Variants in BICRA observed in about 807,000 individuals in gnomAD.
The protein encoded by BICRA is BRD4-interacting chromatin-remodeling complex-associated protein.
A neutral mutation model predicts 96.9 loss-of-function variants in BICRA; 31 were observed. That is an observed-to-expected ratio of 0.32 (90% CI 0.24 to 0.43). BICRA has a LOEUF of 0.43. Ranked by LOEUF, BICRA falls within the 20% of genes least tolerant of loss-of-function variation. The probability of loss-of-function intolerance (pLI) is 1.00; values close to 1 mark genes in which losing one functional copy is unlikely to be tolerated. For synonymous variants in BICRA, 1,350 were observed against 1,071.8 expected (o/e 1.26, Z -5.07); for missense variants, 2,283 against 2,190.3 (o/e 1.04, Z -0.84).
chr19:47,651,091 C>T (rs982974446), intron 1 of BICRA, among the ~76,000 whole-genome samples: 4 of 152,096 alleles, frequency 2.6e-5, no homozygotes, highest in South Asian at 2.1e-4. Flanking sequence ...CTGCCTGGAC[C>T]ATTACCGTCG....
chr19:47,643,166 C>T (rs1020819598), intron 1 of BICRA, among the ~76,000 whole-genome samples: 3 of 152,212 alleles, frequency 2.0e-5, no homozygotes, highest in Admixed American at 6.5e-5. Flanking sequence ...GACAAGGTTT[C>T]GCCATGTTGG....
chr19:47,699,112 G>T lies in BICRA; in HGVS notation c.3492+53G>T. On this transcript the variant is annotated intron_variant, in intron 13 of 14. Transcript: ENST00000594866. This position sits in a 1 kb window ranked among gnomAD's most constrained non-coding sequence, Gnocchi z 5.0. ...CTGGGCTCCTCCTCGCTGGGACACT[G>T]CCCCTTTCCCTCACCCGCTCTGGGC... is the stretch of plus-strand genomic sequence containing the variant. 7.9e-7 allele frequency: 1 copy of T among 1,258,786 alleles called. No individual in the cohort carries two copies. 78.0% of individuals were successfully genotyped at this position (1,258,786 alleles called of 1,614,324 possible).
In BICRA at chr19:47,701,823, A is replaced by T. The variant is rs1487669712; in HGVS notation, c.4091A>T (p.Asp1364Val). 3 of 1,529,184 alleles carry T rather than the reference A, an allele frequency of 2.0e-6. No individual in the cohort carries two copies. The highest frequency in any genetic ancestry group is 2.6e-6 in the Non-Finnish European group (3 of 1,141,928). The allele number at this position is 1,529,184 out of a possible 1,614,324, so 94.7% of individuals were successfully genotyped here. The change falls in exon 15 of 15, where the codon GAC (aspartate) becomes GTC (valine). Residue 1364 changes from aspartate to valine, a missense_variant. By Grantham distance (152) the Asp-to-Val change is radical (BLOSUM62 -3). Transcript: ENST00000594866. The surrounding 1 kb of genome is among the most constrained non-coding windows in gnomAD (Gnocchi z 5.4). The stretch of plus-strand genomic sequence containing the variant: ...ACGGGCCAGATGAACGGCACGGTGG[A>T]CCACCCGCCGCCTGCCGCCCCCGAG... ...PPTGQMNGTV[D>V]HPPPAAPERK... is the part of the protein sequence containing the mutation.
chr19:47,625,579 C>T (rs1972128563), intron 1 of BICRA, among the ~76,000 whole-genome samples: 1 of 152,072 alleles, frequency 6.6e-6, no homozygotes, highest in African/African-American at 2.4e-5. Flanking sequence ...GACCTTTATA[C>T]AGATCGTGAG....
At position 47,699,436 on chromosome 19, in the gene BICRA, G is replaced by A; in HGVS notation, c.3595+31G>A. The stretch of plus-strand genomic sequence containing the variant: ...AGGGGGGAGTGAGAGGGGAGGGGAG[G>A]GAGAGGTGCCCCCACCCCACCTGGG... On this transcript the variant is annotated intron_variant, in intron 14 of 14. Coordinates refer to ENST00000594866, the MANE Select transcript of BICRA (RefSeq NM_001394372.1). This position sits in a 1 kb window ranked among gnomAD's most constrained non-coding sequence, Gnocchi z 5.0. 8.0e-7 allele frequency: 1 copy of A among 1,254,664 alleles called. No individual in the cohort carries two copies. The highest frequency in any genetic ancestry group is 1.1e-6 in the Non-Finnish European group (1 of 876,150). The allele number at this position is 1,254,664 out of a possible 1,614,324, so 77.7% of individuals were successfully genotyped here. A position where few individuals can be genotyped will look rare whatever the true frequency, so the allele number is the denominator to read the frequency against.
At position 47,694,594 on chromosome 19, in the gene BICRA, T is replaced by G; in HGVS notation, c.2763T>G (p.Thr921=). 2.2e-6 allele frequency: 3 copies of G among 1,378,290 alleles called. No homozygotes were observed. The highest frequency in any genetic ancestry group is 1.9e-5 in the African/African-American group (1 of 52,610). 85.4% of individuals were successfully genotyped at this position (1,378,290 alleles called of 1,614,324 possible). ...GCCAGGGGCCCCACAAGTCCCCCACTCCCCCTCCAACCCTCCACCTGGTCC... is the reference window on the plus strand; with the variant it reads ...GCCAGGGGCCCCACAAGTCCCCCACGCCCCCTCCAACCCTCCACCTGGTCC... ...PPSQGPHKSP[T]PPPTLHLVPE... The change falls in exon 8 of 15, where the codon ACT becomes ACG. Residue 921 remains threonine, a synonymous_variant. Coordinates refer to ENST00000594866, the MANE Select transcript of BICRA (RefSeq NM_001394372.1).
Position 47,698,586 on chromosome 19 carries a change from T to TGTGGGGGGGCCCCCTTTCCCC in BICRA, c.3249-48_3249-47insGTGGGGGGGCCCCCTTTCCCC. 1 of 716,714 alleles carries TGTGGGGGGGCCCCCTTTCCCC rather than the reference T, an allele frequency of 1.4e-6. No homozygotes were observed. The allele number at this position is 716,714 out of a possible 1,614,324, so 44.4% of individuals were successfully genotyped here. ...AGGGACTTCCCCTGGCCCTCACCCG[T>TGTGGGGGGGCCCCCTTTCCCC]CCCCCCCACCCTCCGCCGTGTGTGG... On this transcript the variant is annotated intron_variant, in intron 11 of 14. Transcript: ENST00000594866. The surrounding 1 kb of genome is among the most constrained non-coding windows in gnomAD (Gnocchi z 4.8).
rs1398744534 is a variant in BICRA, at chr19:47,689,025, C to T, written c.2284-5090C>T. Among the ~76,000 whole-genome samples the T allele has an allele frequency of 3.9e-5, 6 of 152,044 alleles. No homozygotes were observed. The South Asian group carries it at 1.0e-3, about 26-fold the overall frequency. The stretch of plus-strand genomic sequence containing the variant: ...GTATTTTTAGAGAGACGAGGTTTCA[C>T]CATGTTGGCCAGGCTGGTCTTGGAC... On this transcript the variant is annotated intron_variant, in intron 7 of 14. Coordinates refer to ENST00000594866, the MANE Select transcript of BICRA (RefSeq NM_001394372.1).
At chr19:47,608,710 T>G (rs1489641544), upstream of BICRA, among the ~76,000 whole-genome samples, 2 of 151,036 alleles carry the variant, frequency 1.3e-5, no homozygotes, top group African/African-American at 4.9e-5. Flanking sequence ...GAGGGCCCAG[T>G]CCCCGGACGT....
At chr19:47,652,365 T>G (rs891571187) in intron 1 of BICRA, among the ~76,000 whole-genome samples, 1 of 152,084 alleles carries the variant, frequency 6.6e-6, no homozygotes, top group Non-Finnish European at 1.5e-5. Context: ...TTTTAAAAAA[T>G]TTTTTAGAGA....
At chr19:47,617,895 G>A (rs1208469463) in intron 1 of BICRA, among the ~76,000 whole-genome samples, 4 of 151,970 alleles carry the variant, frequency 2.6e-5, no homozygotes, top group Non-Finnish European at 5.9e-5. Flanking sequence ...TATTAATGGT[G>A]GTGTTATTTC....
intron 7 of BICRA, among the ~76,000 whole-genome samples, chr19:47,691,597 T>C (rs936723888): frequency 1.3e-5 from 2 of 152,218 alleles, no homozygotes; most frequent in South Asian, 2.1e-4. Context: ...TGAGTCTCAC[T>C]CTGTCGCCTA....
At chr19:47,617,245 G>T (rs1395954305) in intron 1 of BICRA, among the ~76,000 whole-genome samples, 1 of 152,032 alleles carries the variant, frequency 6.6e-6, no homozygotes, top group African/African-American at 2.4e-5. Flanking sequence ...AAAGTCCTGG[G>T]ATTATAGGCA....
chr19:47,658,236 G>C (rs1298979792), intron 1 of BICRA, among the ~76,000 whole-genome samples: 1 of 152,148 alleles, frequency 6.6e-6, no homozygotes, highest in Non-Finnish European at 1.5e-5. Context: ...GTTGGGGCTG[G>C]AAGTGTTTGT....
intron 1 of BICRA, among the ~76,000 whole-genome samples, chr19:47,647,046 C>T (rs577022003): frequency 2.6e-5 from 4 of 152,316 alleles, no homozygotes; most frequent in South Asian, 2.1e-4. Context: ...GACTCTTACA[C>T]GACGTGGCCT....
chr19:47,639,184 T>C (rs1318879705), intron 1 of BICRA, among the ~76,000 whole-genome samples: 2 of 151,602 alleles, frequency 1.3e-5, no homozygotes. Flanking sequence ...TTTTTCATAT[T>C]TTTTGTAGAG....
chr19:47,610,608 A>ACCC (rs35080234), intron 1 of BICRA, among the ~76,000 whole-genome samples: 142 of 135,004 alleles, frequency 1.1e-3, no homozygotes, highest in Middle Eastern at 3.6e-3. Context: ...CCCTTTTGTC[A>ACCC]CCCCCCCCCC....
chr19:47,631,160 A>G (rs1412313778), intron 1 of BICRA, among the ~76,000 whole-genome samples: 1 of 152,118 alleles, frequency 6.6e-6, no homozygotes, highest in African/African-American at 2.4e-5. Flanking sequence ...GGTTCAAGCG[A>G]TTCTTTCACC....
rs2123605678 is a variant in BICRA, at chr19:47,694,142, C to T, written c.2311C>T (p.Pro771Ser). 1 of 1,519,666 alleles carries T rather than the reference C, an allele frequency of 6.6e-7. No homozygotes were observed. The highest frequency in any genetic ancestry group is 1.2e-5 in the South Asian group (1 of 82,102). 94.1% of individuals were successfully genotyped at this position (1,519,666 alleles called of 1,614,324 possible). A position where few individuals can be genotyped will look rare whatever the true frequency, so the allele number is the denominator to read the frequency against. ...QIPAAAPLKG[P>S]GPSSSPSLPH... is the part of the protein sequence containing the mutation. Reference sequence around the variant, plus strand: ...CCCGGCAGCGGCTCCGCTGAAGGGCCCAGGCCCCTCTTCGTCCCCGTCACT... The same window carrying T: ...CCCGGCAGCGGCTCCGCTGAAGGGCTCAGGCCCCTCTTCGTCCCCGTCACT... Residue 771 changes from proline (P) to serine (S), a missense_variant, in exon 8 of 15, where the codon CCA (proline) becomes TCA (serine). By Grantham distance (74) the Pro-to-Ser change is moderately conservative. Transcript: ENST00000594866.
Sources: allele counts gnomAD v4.1 joint callset (sites outside exome capture counted in the v4.1 genomes callset), GRCh38; gene constraint gnomAD v4.1.1; non-coding constraint Gnocchi (gnomAD v3.1); transcripts MANE v1.5; gene names NCBI Gene and HGNC (gene_info 2026-07-23, HGNC 2026-07-21).